DYNLT2B: variants seen among roughly 807,000 people sequenced by gnomAD.
DYNLT2B encodes the protein dynein light chain Tctex-type protein 2B.
A neutral mutation model predicts 19.5 loss-of-function variants in DYNLT2B; 14 were observed. The ratio of observed to expected loss-of-function variants is 0.72; its 90% CI spans 0.47 to 1.12. The LOEUF is 1.12. DYNLT2B is among the 50% of genes most tolerant of loss of function. The pLI, the probability that DYNLT2B is intolerant of heterozygous loss-of-function variation, is 0.00. For synonymous variants in DYNLT2B, 70 were observed against 59.7 expected (o/e 1.17, Z -0.79); for missense variants, 133 against 174.7 (o/e 0.76, Z 1.35).
Position 196,296,090 on chromosome 3 carries a change from G to T in DYNLT2B, c.318-21C>A, listed in dbSNP as rs75016149. The T allele has an allele frequency of 0.052, 82,844 of 1,608,362 alleles. 2,444 individuals carry two copies. The highest frequency in any genetic ancestry group is 0.086 in the East Asian group (3,858 of 44,786). ...CCATGCTAAAAAATCCAAGAATGAAGAATTATCAACAATCTAACAAGGACC... is the reference window on the plus strand; with the variant it reads ...CCATGCTAAAAAATCCAAGAATGAATAATTATCAACAATCTAACAAGGACC... On this transcript the variant is annotated intron_variant, in intron 3 of 4. Transcript: ENST00000325318.
chr3:196,297,170 A>G (rs1726244275), intron 3 of DYNLT2B, among the ~76,000 whole-genome samples: 1 of 152,042 alleles, frequency 6.6e-6, no homozygotes, highest in Admixed American at 6.6e-5. Flanking sequence ...ACACAGCAGG[A>G]CCCTGGCTCT....
intron 2 of DYNLT2B, among the ~76,000 whole-genome samples, chr3:196,308,097 AAAG>A (rs1726541648): frequency 1.3e-5 from 2 of 151,606 alleles, no homozygotes; most frequent in Admixed American, 1.3e-4. Flanking sequence ...AAAAAAAAAA[AAAG>A]AAAATAGAAA....
chr3:196,305,415 A>G (rs551334772), intron 3 of DYNLT2B, among the ~76,000 whole-genome samples: 1 of 152,368 alleles, frequency 6.6e-6, no homozygotes, highest in South Asian at 2.1e-4. Flanking sequence ...ACAATACCAT[A>G]GGTATATAAT....
intron 3 of DYNLT2B, among the ~76,000 whole-genome samples, chr3:196,301,970 G>A (rs952189256): frequency 2.0e-5 from 3 of 152,004 alleles, no homozygotes; most frequent in South Asian, 2.1e-4. Flanking sequence ...GGCCAGGCAC[G>A]GTGGCTCACG....
At position 196,316,085 on chromosome 3, in the gene DYNLT2B, T is replaced by C. The variant is rs751151224; in HGVS notation, c.247+13A>G. On this transcript the variant is annotated intron_variant, in intron 2 of 4. Transcript: ENST00000325318. ...GAAGAGAATGAGTCATTTCCAGTTA[T>C]CACCATGATTACCTTTTAATTTATC... 1 of 1,611,908 alleles carries C rather than the reference T, an allele frequency of 6.2e-7. No homozygotes were observed. The highest frequency in any genetic ancestry group is 2.2e-5 in the East Asian group (1 of 44,830).
At chr3:196,306,772 C>T (rs1419459281) in intron 3 of DYNLT2B, among the ~76,000 whole-genome samples, 171 bp downstream of exon 3, 1 of 151,998 alleles carries the variant, frequency 6.6e-6, no homozygotes, top group African/African-American at 2.4e-5. Flanking sequence ...AACTCCTGAC[C>T]TCAGGTGATC....
intron 4 of DYNLT2B, among the ~76,000 whole-genome samples, chr3:196,293,610 A>G (rs1445594794): frequency 1.3e-5 from 2 of 148,728 alleles, no homozygotes; most frequent in Non-Finnish European, 3.0e-5. Flanking sequence ...TAGGTGACAG[A>G]GTGAGACTCC....
At chr3:196,305,072 C>T (rs2040835167) in intron 3 of DYNLT2B, among the ~76,000 whole-genome samples, 1 of 151,944 alleles carries the variant, frequency 6.6e-6, no homozygotes, top group African/African-American at 2.4e-5. Flanking sequence ...TTTGTAGAGA[C>T]AGAGTTTTGC....
Position 196,318,221 on chromosome 3 carries a change from A to G in DYNLT2B, c.-69T>C. On this transcript the variant is annotated 5_prime_UTR_variant, in exon 1 of 5. Transcript: ENST00000325318. ...GCGGGTTGCGGTCGCGGCCGGCAGC[A>G]GGGAAAGCGTCTCCAGGGCAACAGG... is the stretch of plus-strand genomic sequence containing the variant. 1 of 896,252 alleles carries G rather than the reference A, an allele frequency of 1.1e-6. No homozygotes were observed. The highest frequency in any genetic ancestry group is 1.6e-6 in the Non-Finnish European group (1 of 632,356). 55.5% of individuals were successfully genotyped at this position (896,252 alleles called of 1,614,324 possible). A position where few individuals can be genotyped will look rare whatever the true frequency, so the allele number is the denominator to read the frequency against.
chr3:196,318,004 T>G, intron 1 of DYNLT2B, 36 bp downstream of exon 1: 1 of 1,351,176 alleles, frequency 7.4e-7, no homozygotes, highest in Non-Finnish European at 9.8e-7. Context: ...ACCAGCGCGC[T>G]CGAGGTCGCC....
At chr3:196,293,183 T>A (rs1228597341) in intron 4 of DYNLT2B, among the ~76,000 whole-genome samples, 1 of 152,154 alleles carries the variant, frequency 6.6e-6, no homozygotes, top group Non-Finnish European at 1.5e-5. Flanking sequence ...TTTGTTCATT[T>A]GAGTATTGAG....
intron 2 of DYNLT2B, among the ~76,000 whole-genome samples, chr3:196,307,823 T>C (rs1726533461): frequency 6.6e-6 from 1 of 150,570 alleles, no homozygotes; most frequent in African/African-American, 2.4e-5. Flanking sequence ...CTCACGCCTG[T>C]AATCCCAGCA....
At chr3:196,309,284 AGATG>A (rs1370709956) in intron 2 of DYNLT2B, among the ~76,000 whole-genome samples, 2 of 151,854 alleles carry the variant, frequency 1.3e-5, no homozygotes, top group Non-Finnish European at 2.9e-5. Context: ...CTTTTTTTTG[AGATG>A]GAGTTTCACT....
intron 2 of DYNLT2B, among the ~76,000 whole-genome samples, chr3:196,311,445 TAATA>T (rs1486432950): frequency 1.3e-5 from 2 of 150,730 alleles, no homozygotes; most frequent in Non-Finnish European, 3.0e-5. Context: ...AAAGAAAAAC[TAATA>T]AATATAGAAG....
chr3:196,313,959 A>T (rs1241935309), intron 2 of DYNLT2B, among the ~76,000 whole-genome samples: 1 of 152,050 alleles, frequency 6.6e-6, no homozygotes, highest in Non-Finnish European at 1.5e-5. Context: ...TTAGCCGGGC[A>T]TGGTGGCACT....
At chr3:196,293,584 C>A (rs550362004) in intron 4 of DYNLT2B, among the ~76,000 whole-genome samples, 9 of 150,876 alleles carry the variant, frequency 6.0e-5, no homozygotes, top group African/African-American at 2.2e-4. Flanking sequence ...CGTGATGGCA[C>A]CACCACTCTC....
intron 4 of DYNLT2B, among the ~76,000 whole-genome samples, chr3:196,294,543 C>T (rs988600227): frequency 3.3e-5 from 5 of 152,032 alleles, no homozygotes; most frequent in South Asian, 2.1e-4. Flanking sequence ...AGGGACCCAG[C>T]GTCTATATTT....
At chr3:196,302,583 T>C (rs937112887) in intron 3 of DYNLT2B, among the ~76,000 whole-genome samples, 2 of 152,132 alleles carry the variant, frequency 1.3e-5, no homozygotes, top group African/African-American at 2.4e-5. Context: ...AATGACAGAA[T>C]ACATAAATAA....
chr3:196,312,590 C>G (rs1409966940), intron 2 of DYNLT2B, among the ~76,000 whole-genome samples: 1 of 151,982 alleles, frequency 6.6e-6, no homozygotes, highest in African/African-American at 2.4e-5. Context: ...TCCCAAGTAG[C>G]TGGGATTACA....
Sources: gnomAD v4.1 joint callset for allele counts (sites outside exome capture counted in the v4.1 genomes callset) on GRCh38, gnomAD v4.1.1 for gene constraint, MANE v1.5 for transcripts, NCBI Gene and HGNC (gene_info 2026-07-23, HGNC 2026-07-21) for gene names.